The following USP42 variants were observed in gnomAD, a reference collection of about 807,000 sequenced individuals.
The protein encoded by USP42 is ubiquitin carboxyl-terminal hydrolase 42.
USP42 carries 23 observed loss-of-function variants against 113.0 expected under a neutral mutation model. The ratio of observed to expected loss-of-function variants is 0.20; its 90% CI spans 0.15 to 0.29. The LOEUF is 0.29. Ranked by LOEUF, USP42 falls within the 10% of genes least tolerant of loss-of-function variation. The pLI is 1.00. For missense variants in USP42, 2,174 were observed against 1,779.8 expected (o/e 1.22, Z -3.99); for synonymous variants, 933 against 699.0 (o/e 1.33, Z -5.28).
In USP42 at chr7:6,144,178, C is replaced by T. The variant is rs151011297; in HGVS notation, c.972C>T (p.Thr324=). The T allele has an allele frequency of 4.0e-5, 63 of 1,590,628 alleles. No homozygotes were observed. In the Admixed American group the frequency reaches 6.4e-4, roughly 16 times the overall value. Residue 324 remains threonine (T), a synonymous_variant, in exon 9 of 18, where the codon ACC becomes ACT. Transcript: ENST00000306177. ...TLSLKRFANF[T]GGKIAKDVKY... ...CTCTGAAACGTTTTGCAAATTTTAC[C>T]GGTGGAAAAATTGCTAAGGTATGTG...
rs1204813992 is a variant in USP42 at position 6,154,650 on chromosome 7, G to T, written c.3096G>T (p.Trp1032Cys). ...ACCGGAGCGGGGTGGAGCTGGACTG[G>T]GTCAGACACCACTACACCGAGGGCG... Reference protein sequence around the residue: ...SRHRSGVELDWVRHHYTEGER... With the variant: ...SRHRSGVELDCVRHHYTEGER... The change falls in exon 15 of 18, where the codon TGG becomes TGT. Residue 1032 changes from tryptophan to cysteine, a missense_variant. By Grantham distance (215) the Trp-to-Cys change is radical. Coordinates refer to ENST00000306177, the MANE Select transcript of USP42 (RefSeq NM_032172.3). The T allele has an allele frequency of 1.2e-6, 2 of 1,606,114 alleles. No homozygotes were observed. The highest frequency in any genetic ancestry group is 2.2e-5 in the South Asian group (2 of 89,740).
Position 6,139,001 on chromosome 7 carries a change from C to A in USP42, c.554-91C>A. The A allele has an allele frequency of 1.3e-6, 1 of 792,930 alleles. No individual in the cohort carries two copies. The allele number at this position is 792,930 out of a possible 1,614,324, so 49.1% of individuals were successfully genotyped here. A position where few individuals can be genotyped will look rare whatever the true frequency, so the allele number is the denominator to read the frequency against. On this transcript the variant is annotated intron_variant, in intron 4 of 17. Transcript: ENST00000306177. This position sits in a 1 kb window ranked among gnomAD's most constrained non-coding sequence, Gnocchi z 4.5. ...AAGTAAGTATTTGGGAGTTTTCCAA[C>A]CAACATATTATTATAAGATATATTT...
chr7:6,149,420 T>A (rs184511421), intron 12 of USP42, among the ~76,000 whole-genome samples, 163 bp from the exon 13 acceptor site: 156 of 149,912 alleles, frequency 1.0e-3, no homozygotes, highest in African/African-American at 3.7e-3. Context: ...TATGCGCGGG[T>A]AGGAGGGATT....
At chr7:6,144,297 A>T in intron 9 of USP42, 101 bp downstream of exon 9, 1 of 747,958 alleles carries the variant, frequency 1.3e-6, no homozygotes, top group Non-Finnish European at 2.1e-6. Context: ...CTCATGACAA[A>T]ATTGCTAACT....
rs1203733039 is a variant in USP42, at chr7:6,115,612, A to G, written c.442+89A>G. The G allele has an allele frequency of 3.7e-5, 54 of 1,454,130 alleles. No individual in the cohort carries two copies. In the East Asian group the frequency reaches 1.3e-3, roughly 35 times the overall value. 90.1% of individuals were successfully genotyped at this position (1,454,130 alleles called of 1,614,324 possible). ...GAAATGAAAGTGAAGAATTAATCCA[A>G]GAGTGCTATGATTACTAAGAAGTTG... On this transcript the variant is annotated intron_variant, in intron 3 of 17. Coordinates refer to ENST00000306177, the MANE Select transcript of USP42 (RefSeq NM_032172.3).
rs1781319391 is a variant in USP42 at position 6,139,237 on chromosome 7, C to T, written c.656+43C>T. On this transcript the variant is annotated intron_variant, in intron 5 of 17. Coordinates refer to ENST00000306177, the MANE Select transcript of USP42 (RefSeq NM_032172.3). The surrounding 1 kb of genome is among the most constrained non-coding windows in gnomAD (Gnocchi z 4.5). Reference sequence around the variant, plus strand: ...CCAGCCATGTCTTCATTGGGGATCTCTGGTTGTAGTTTATTCTTATCAGAA... The same window carrying T: ...CCAGCCATGTCTTCATTGGGGATCTTTGGTTGTAGTTTATTCTTATCAGAA... 3 of 1,413,622 alleles carry T rather than the reference C, an allele frequency of 2.1e-6. No homozygotes were observed. Among genetic ancestry groups the T allele is most frequent in the Non-Finnish European group, 2.9e-6 (3 of 1,031,606 alleles). The allele number at this position is 1,413,622 out of a possible 1,614,324, so 87.6% of individuals were successfully genotyped here. A position where few individuals can be genotyped will look rare whatever the true frequency, so the allele number is the denominator to read the frequency against.
upstream of USP42, among the ~76,000 whole-genome samples, chr7:6,103,102 C>T (rs984266113): frequency 1.3e-5 from 2 of 150,968 alleles, no homozygotes; most frequent in Non-Finnish European, 2.9e-5. Flanking sequence ...CAGGGAGAAG[C>T]AGGCTCATGG....
Position 6,157,673 on chromosome 7 carries a change from T to C in USP42, c.3943+618T>C, listed in dbSNP as rs1226318806. On this transcript the variant is annotated intron_variant, in intron 16 of 17. Transcript: ENST00000306177. The surrounding 1 kb of genome is among the most constrained non-coding windows in gnomAD (Gnocchi z 4.1). ...AGAAATACTTTTGCAGCGTATACGT[T>C]ACTCTCCCGAATCCTTAAACCTGTA... Among the ~76,000 whole-genome samples, 1 of 152,238 alleles carries C rather than the reference T, an allele frequency of 6.6e-6. No individual in the cohort carries two copies. The highest frequency in any genetic ancestry group is 1.9e-4 in the East Asian group (1 of 5,196).
chr7:6,118,212 A>C (rs546362266), intron 3 of USP42, among the ~76,000 whole-genome samples: 1 of 152,016 alleles, frequency 6.6e-6, no homozygotes, highest in African/African-American at 2.4e-5. Flanking sequence ...TGGGCAACGT[A>C]GGGAGAACTC....
At chr7:6,137,485 A>G (rs1781211066) in intron 4 of USP42, among the ~76,000 whole-genome samples, 1 of 152,048 alleles carries the variant, frequency 6.6e-6, no homozygotes, top group Non-Finnish European at 1.5e-5. Flanking sequence ...CAGCCTCCCA[A>G]GTAGCTGGGA....
At chr7:6,086,661 T>TCCCTTCCCCCTTCCCTTCC in the USP42 span, among the ~76,000 whole-genome samples, 1 of 149,830 alleles carries the variant, frequency 6.7e-6, no homozygotes, top group Non-Finnish European at 1.5e-5. Flanking sequence ...CTTTCCTCCT[T>TCCCTTCCCCCTTCCCTTCC]CCCTTCCCCC....
chr7:6,154,351 C>T lies in USP42; in HGVS notation c.2797C>T (p.Pro933Ser). The change falls in exon 15 of 18, where the codon CCA becomes TCA. Residue 933 changes from proline to serine, a missense_variant. By Grantham distance (74) the Pro-to-Ser change is moderately conservative. Coordinates refer to ENST00000306177, the MANE Select transcript of USP42 (RefSeq NM_032172.3). ...RVEDAAAPKAPGPSPAKEKIG... is the reference protein window; with the variant it reads ...RVEDAAAPKASGPSPAKEKIG... ...CGAGGACGCCGCGGCGCCGAAAGCC[C>T]CAGGCCCTTCCCCAGCGAAGGAGAA... The T allele has an allele frequency of 1.9e-6, 3 of 1,573,338 alleles. No homozygotes were observed. The highest frequency in any genetic ancestry group is 2.3e-5 in the South Asian group (2 of 86,074).
chr7:6,089,713 A>G, the USP42 span, among the ~76,000 whole-genome samples: 2 of 149,804 alleles, frequency 1.3e-5, no homozygotes, highest in African/African-American at 2.5e-5. Context: ...TTTTGTATTT[A>G]GTAGAGATGG....
upstream of USP42, among the ~76,000 whole-genome samples, chr7:6,101,134 G>C (rs1790116077): frequency 6.6e-6 from 1 of 151,118 alleles, no homozygotes; most frequent in African/African-American, 2.5e-5. Context: ...CTCAGTGGGA[G>C]ATGAGTCTCC....
chr7:6,115,785 C>T (rs1158440449), intron 3 of USP42, among the ~76,000 whole-genome samples: 3 of 151,998 alleles, frequency 2.0e-5, no homozygotes, highest in Admixed American at 2.0e-4. Context: ...TGTTGGTTTT[C>T]TACACTTACT....
chr7:6,149,650 A>C lies in USP42; in HGVS notation c.1454A>C (p.Asn485Thr). 2 of 1,613,970 alleles carry C rather than the reference A, an allele frequency of 1.2e-6. No homozygotes were observed. Among genetic ancestry groups the C allele is most frequent in the Non-Finnish European group, 1.7e-6 (2 of 1,179,894 alleles). ...CCAAGCAGTTCCATGTCGAGTCCTAACGGGAATTCCAGTGTCAACAGGGCT... is the reference window on the plus strand; with the variant it reads ...CCAAGCAGTTCCATGTCGAGTCCTACCGGGAATTCCAGTGTCAACAGGGCT... ...DTPSSSMSSP[N>T]GNSSVNRASP... is the part of the protein sequence containing the mutation. Residue 485 changes from asparagine to threonine, a missense_variant, in exon 13 of 18, where the codon AAC becomes ACC. Transcript: ENST00000306177.
chr7:6,099,196 C>G, the USP42 span, among the ~76,000 whole-genome samples: 2 of 146,218 alleles, frequency 1.4e-5, no homozygotes, highest in South Asian at 4.3e-4. Flanking sequence ...TGCCTGGAGC[C>G]CCATTGTTCC....
At chr7:6,140,499 A>G (rs938659285) in intron 6 of USP42, among the ~76,000 whole-genome samples, 1 of 152,170 alleles carries the variant, frequency 6.6e-6, no homozygotes, top group Non-Finnish European at 1.5e-5. Context: ...GTAGTGTTCC[A>G]TTTATTTTAG....
At chr7:6,144,344 G>T (rs1039775708) in intron 9 of USP42, 148 bp downstream of exon 9, 2 of 594,866 alleles carry the variant, frequency 3.4e-6, no homozygotes, top group Admixed American at 3.8e-5. Context: ...TGTTTTGTTG[G>T]TACCCGTGGT....
Sources: allele counts gnomAD v4.1 joint callset (sites outside exome capture counted in the v4.1 genomes callset), GRCh38; gene constraint gnomAD v4.1.1; non-coding constraint Gnocchi (gnomAD v3.1); transcripts MANE v1.5; gene names NCBI Gene and HGNC (gene_info 2026-07-23, HGNC 2026-07-21).